SRGAP2C: variants seen among roughly 807,000 people sequenced by gnomAD.
SRGAP2C encodes SLIT-ROBO Rho GTPase-activating protein 2C.
A neutral mutation model predicts 25.1 loss-of-function variants in SRGAP2C; 15 were observed. The observed-to-expected ratio is 0.60, with a 90% CI of 0.40 to 0.92. The LOEUF is 0.92. SRGAP2C is among the 40% of genes least tolerant of loss of function. SRGAP2C has a pLI of 0.00. For missense variants in SRGAP2C, 144 were observed against 264.4 expected (o/e 0.54, Z 3.16); for synonymous variants, 44 against 96.6 (o/e 0.46, Z 3.19).
chr1:121,375,318 CTTTTTTTTTTTTT>C (rs1231177207), intron 7 of SRGAP2C, among the ~76,000 whole-genome samples: 1 of 19,794 alleles, frequency 5.1e-5, no homozygotes, highest in Admixed American at 6.1e-4. Context: ...TACTTTCTTC[CTTTTTTTTTTTTT>C]TTTTTTTTTT....
At position 121,391,716 on chromosome 1, in the gene SRGAP2C, T is replaced by G. The variant is rs1660092544; in HGVS notation, c.*3861T>G. ...AAAATTTAAAACCACAAAACATTAC[T>G]GTGTTTGTAGGGGGAGGTCTGATTT... On this transcript the variant is annotated 3_prime_UTR_variant, in exon 10 of 10. Coordinates refer to ENST00000367123, the MANE Select transcript of SRGAP2C (RefSeq NM_001329984.2). The G allele has an allele frequency of 2.6e-5, 4 of 152,306 alleles. No individual in the cohort carries two copies. The highest frequency in any genetic ancestry group is 5.9e-5 in the Non-Finnish European group (4 of 68,056). 9.4% of individuals were successfully genotyped at this position (152,306 alleles called of 1,614,324 possible). A position where few individuals can be genotyped will look rare whatever the true frequency, so the allele number is the denominator to read the frequency against.
chr1:121,271,027 G>C (rs1656940235), intron 2 of SRGAP2C, among the ~76,000 whole-genome samples: 2 of 151,312 alleles, frequency 1.3e-5, no homozygotes, highest in Admixed American at 6.6e-5. Context: ...TCGATCTCCT[G>C]ACCTCGTGGT....
chr1:121,219,251 C>A (rs1253355876), intron 2 of SRGAP2C, among the ~76,000 whole-genome samples: 4 of 133,190 alleles, frequency 3.0e-5, no homozygotes, highest in Admixed American at 7.6e-5. Context: ...GCAACTCAGC[C>A]AGTTTATTTT....
intron 2 of SRGAP2C, among the ~76,000 whole-genome samples, chr1:121,279,736 T>TA (rs1389281982): frequency 3.0e-4 from 43 of 141,150 alleles, no homozygotes; most frequent in Admixed American, 5.8e-4. Flanking sequence ...AATTCACATA[T>TA]AAAAACACTC....
chr1:121,289,430 G>A (rs1163653278), intron 3 of SRGAP2C, among the ~76,000 whole-genome samples: 4 of 151,800 alleles, frequency 2.6e-5, no homozygotes, highest in African/African-American at 9.7e-5. Context: ...CGCCCACCCG[G>A]AACTCCAGCT....
chr1:121,348,724 A>G (rs1474586783), intron 4 of SRGAP2C, among the ~76,000 whole-genome samples: 1 of 147,936 alleles, frequency 6.8e-6, no homozygotes, highest in Admixed American at 6.8e-5. Context: ...AATAGCATTG[A>G]AGGAGTTTAT....
At chr1:121,288,651 G>A (rs1349554755) in intron 3 of SRGAP2C, among the ~76,000 whole-genome samples, 42 of 56,344 alleles carry the variant, frequency 7.5e-4, no homozygotes, top group South Asian at 1.1e-3. Flanking sequence ...TGATTGGTGT[G>A]TTTACAAACC....
chr1:121,280,005 T>A (rs1472411067), intron 2 of SRGAP2C, among the ~76,000 whole-genome samples: 3 of 151,888 alleles, frequency 2.0e-5, no homozygotes, highest in Non-Finnish European at 4.4e-5. Flanking sequence ...TGGGGTTGAA[T>A]TTTTTAATCT....
Position 121,284,943 on chromosome 1 carries a change from C to G in SRGAP2C, c.208C>G (p.Leu70Val). The change falls in exon 3 of 10, where the codon CTG (leucine) becomes GTG (valine). Residue 70 changes from leucine to valine, a missense_variant. Around this residue, in one of 5 missense-constraint regions of SRGAP2C, gnomAD observed 61 missense variants for 61.7 expected, o/e 0.99. Coordinates refer to ENST00000367123, the MANE Select transcript of SRGAP2C (RefSeq NM_001329984.2). ...GGACTACTCCCGCAACCTGGAGAAG[C>G]TGGCAGAACACTTCCTGGCCAAGAC... ...EMDYSRNLEK[L>V]AEHFLAKTRS... 6.5e-7 allele frequency: 1 copy of G among 1,548,168 alleles called. No individual in the cohort carries two copies. Among genetic ancestry groups the G allele is most frequent in the East Asian group, 2.4e-5 (1 of 40,888 alleles).
At chr1:121,294,547 G>C (rs1432428017) in intron 3 of SRGAP2C, among the ~76,000 whole-genome samples, 2 of 105,214 alleles carry the variant, frequency 1.9e-5, no homozygotes, top group Non-Finnish European at 4.0e-5. Flanking sequence ...TGGAATCTGT[G>C]TTAATATGGC....
chr1:121,293,106 A>T (rs1657522636), intron 3 of SRGAP2C, among the ~76,000 whole-genome samples: 1 of 132,650 alleles, frequency 7.5e-6, no homozygotes, highest in Non-Finnish European at 1.6e-5. Flanking sequence ...TTTAAGTTTA[A>T]TACAGTTGAG....
At chr1:121,378,647 TCTTAACATTATTCATTA>T (rs1659731973) in intron 7 of SRGAP2C, among the ~76,000 whole-genome samples, 2 of 152,024 alleles carry the variant, frequency 1.3e-5, no homozygotes, top group Admixed American at 1.3e-4. Flanking sequence ...GGCATCCTGA[TCTTAACATTATTCATTA>T]CTTGCTTTAA....
chr1:121,217,199 GA>G (rs1655410285), intron 2 of SRGAP2C, among the ~76,000 whole-genome samples: 1 of 151,828 alleles, frequency 6.6e-6, no homozygotes, highest in Non-Finnish European at 1.5e-5. Flanking sequence ...AGTTGAAGTT[GA>G]AACTGAAAAT....
At chr1:121,371,124 A>G (rs1553350984) in intron 5 of SRGAP2C, among the ~76,000 whole-genome samples, 1 of 148,890 alleles carries the variant, frequency 6.7e-6, no homozygotes, top group Non-Finnish European at 1.5e-5. Flanking sequence ...GCATTTGCCT[A>G]TCTATATATA....
Position 121,374,858 on chromosome 1 carries a change from G to C in SRGAP2C, c.735G>C (p.Lys245Asn). Reference protein sequence around the residue: ...HQAKYTENKLKAIKAQNEYLL... With the variant: ...HQAKYTENKLNAIKAQNEYLL... ...CCAAGTACACGGAGAATAAGCTGAA[G>C]GCCATCAAAGCCCAGAATGAGTACT... Residue 245 changes from lysine (K) to asparagine (N), a missense_variant, in exon 7 of 10, where the codon AAG (lysine) becomes AAC (asparagine). By Grantham distance (94) the Lys-to-Asn change is moderately conservative. This residue lies in a region of SRGAP2C where 34 missense variants were observed against 23.0 expected (regional missense o/e 1.48). Coordinates refer to ENST00000367123, the MANE Select transcript of SRGAP2C (RefSeq NM_001329984.2). 1 of 777,596 alleles carries C rather than the reference G, an allele frequency of 1.3e-6. No individual in the cohort carries two copies. Among genetic ancestry groups the C allele is most frequent in the Admixed American group, 1.7e-5 (1 of 58,546 alleles). 48.2% of individuals were successfully genotyped at this position (777,596 alleles called of 1,614,324 possible). A position where few individuals can be genotyped will look rare whatever the true frequency, so the allele number is the denominator to read the frequency against.
chr1:121,201,947 G>A (rs1285183632), intron 2 of SRGAP2C, among the ~76,000 whole-genome samples: 3 of 152,198 alleles, frequency 2.0e-5, no homozygotes, highest in Admixed American at 2.0e-4. Context: ...TAGGCCAAGA[G>A]TGTCAGATCT....
intron 4 of SRGAP2C, among the ~76,000 whole-genome samples, chr1:121,337,472 A>G (rs1178726627): frequency 6.9e-6 from 1 of 145,982 alleles, no homozygotes; most frequent in Non-Finnish European, 1.5e-5. Context: ...TCTCTACTAA[A>G]AATACAGAAA....
chr1:121,211,316 G>C (rs1468603091), intron 2 of SRGAP2C, among the ~76,000 whole-genome samples: 1 of 147,972 alleles, frequency 6.8e-6, no homozygotes, highest in East Asian at 2.1e-4. Flanking sequence ...TGATGGAGAT[G>C]AAGTGGTACA....
rs781942082 is a variant in SRGAP2C, at chr1:121,234,992, ACTCT to A, written c.67+47488_67+47491del. On this transcript the variant is annotated intron_variant, in intron 2 of 9. Coordinates refer to ENST00000367123, the MANE Select transcript of SRGAP2C (RefSeq NM_001329984.2). ...CTTTCCTCCCTCCCTCACTTCCTTC[ACTCT>A]CTCTCTCTTTCTTTCTCTTTTCTTT... Among the ~76,000 whole-genome samples, 4 of 117,614 alleles carry A rather than the reference ACTCT, an allele frequency of 3.4e-5. No individual in the cohort carries two copies. In the South Asian group the frequency reaches 8.5e-4, roughly 25 times the overall value. 77.2% of individuals were successfully genotyped at this position (117,614 alleles called of 152,430 possible). A position where few individuals can be genotyped will look rare whatever the true frequency, so the allele number is the denominator to read the frequency against.
Sources: gnomAD v4.1 joint callset for allele counts (sites outside exome capture counted in the v4.1 genomes callset) on GRCh38, gnomAD v4.1.1 for gene constraint, gnomAD v4.1.1 regional missense constraint, MANE v1.5 for transcripts, NCBI Gene and HGNC (gene_info 2026-07-23, HGNC 2026-07-21) for gene names.